Variants in SLC25A26 observed in about 807,000 individuals in gnomAD.
The protein encoded by SLC25A26 is mitochondrial S-adenosylmethionine carrier protein.
SLC25A26 carries 36 observed loss-of-function variants against 37.8 expected under a neutral mutation model. The observed-to-expected ratio is 0.95, with a 90% CI of 0.73 to 1.26. SLC25A26 has a LOEUF of 1.26. Among genes scored for constraint, SLC25A26 ranks in the 50% most tolerant of loss-of-function variants. The pLI is 0.00. For synonymous variants in SLC25A26, 129 were observed against 122.5 expected, an observed-to-expected ratio of 1.05 and a Z score of -0.35; for missense variants, 390 against 331.1, an observed-to-expected ratio of 1.18 and a Z score of -1.38.
intron 1 of SLC25A26, among the ~76,000 whole-genome samples, chr3:66,138,282 A>C (rs998703820): frequency 1.3e-5 from 2 of 152,196 alleles, no homozygotes; most frequent in Admixed American, 1.3e-4. Context: ...CATCTGAAGT[A>C]TGGAAATATG....
At chr3:66,206,874 T>C (rs1346574256) in intron 1 of SLC25A26, among the ~76,000 whole-genome samples, 2 of 150,150 alleles carry the variant, frequency 1.3e-5, no homozygotes, top group African/African-American at 2.4e-5. Context: ...CTACCACCCC[T>C]GGCTAATTTT....
chr3:66,187,543 C>A (rs1263245992), intron 1 of SLC25A26, among the ~76,000 whole-genome samples: 3 of 152,202 alleles, frequency 2.0e-5, no homozygotes, highest in African/African-American at 7.2e-5. Context: ...ATCACCCTGA[C>A]TCTACCCTTA....
intron 5 of SLC25A26, among the ~76,000 whole-genome samples, chr3:66,343,161 C>G (rs925724151): frequency 6.6e-6 from 1 of 152,196 alleles, no homozygotes; most frequent in Non-Finnish European, 1.5e-5. Flanking sequence ...GGCCCACGTT[C>G]TGTAGACGTT....
intron 1 of SLC25A26, among the ~76,000 whole-genome samples, chr3:66,159,743 A>G (rs912175578): frequency 6.6e-6 from 1 of 152,142 alleles, no homozygotes; most frequent in Non-Finnish European, 1.5e-5. Flanking sequence ...TAAGCTAATG[A>G]TAGCTTCCCG....
At chr3:66,274,703 A>T (rs1169969552) in intron 5 of SLC25A26, among the ~76,000 whole-genome samples, 1 of 152,214 alleles carries the variant, frequency 6.6e-6, no homozygotes, top group African/African-American at 2.4e-5. Context: ...ACAATGAGAT[A>T]CCATCTCACA....
chr3:66,314,253 G>A (rs1327595855), intron 5 of SLC25A26, among the ~76,000 whole-genome samples: 1 of 152,098 alleles, frequency 6.6e-6, no homozygotes, highest in African/African-American at 2.4e-5. Context: ...CGGGCTGTGG[G>A]TTTGTCCTGT....
chr3:66,372,379 C>G (rs1700395720), intron 9 of SLC25A26, among the ~76,000 whole-genome samples: 1 of 152,106 alleles, frequency 6.6e-6, no homozygotes, highest in Non-Finnish European at 1.5e-5. Context: ...CCCCATGGCC[C>G]CAAAAGCTGG....
rs184696429 is a variant in SLC25A26 at position 66,252,765 on chromosome 3, A to G, written c.301-9286A>G. Among the ~76,000 whole-genome samples the G allele has an allele frequency of 3.0e-4, 45 of 152,326 alleles. 1 individual carries two copies. The highest frequency in any genetic ancestry group is 1.4e-3 in the Admixed American group (22 of 15,302). On this transcript the variant is annotated intron_variant, in intron 3 of 9. Coordinates refer to ENST00000354883, the MANE Select transcript of SLC25A26 (RefSeq NM_001379210.1). ...AGGTGAAAAAATTGAAATTCAAAGA[A>G]GTTTAGTGATGTGCTCCAAGTTTCC... is the stretch of plus-strand genomic sequence containing the variant.
intron 8 of SLC25A26, 133 bp downstream of exon 8, chr3:66,369,675 T>C (rs1392482605): frequency 5.5e-6 from 4 of 724,776 alleles, no homozygotes; most frequent in Admixed American, 2.5e-5. Context: ...CTGTGCAACC[T>C]CTAACAAAAC....
intron 1 of SLC25A26, among the ~76,000 whole-genome samples, chr3:66,142,876 A>G (rs996843806): frequency 5.3e-5 from 8 of 151,930 alleles, no homozygotes; most frequent in African/African-American, 1.9e-4. Flanking sequence ...CAGTCCTCCC[A>G]CCTCAGCCTC....
At chr3:66,198,661 C>T (rs1003468094) in intron 1 of SLC25A26, among the ~76,000 whole-genome samples, 3 of 151,764 alleles carry the variant, frequency 2.0e-5, no homozygotes, top group African/African-American at 4.8e-5. Flanking sequence ...ATCCTAACTC[C>T]GGCACTCACT....
chr3:66,152,991 A>T (rs1045328174), intron 1 of SLC25A26, among the ~76,000 whole-genome samples: 1 of 152,152 alleles, frequency 6.6e-6, no homozygotes, highest in Admixed American at 6.5e-5. Context: ...GACCCCAATG[A>T]TCCAAGTTTT....
At chr3:66,275,325 C>T (rs1040209849) in intron 5 of SLC25A26, among the ~76,000 whole-genome samples, 2 of 151,788 alleles carry the variant, frequency 1.3e-5, no homozygotes, top group African/African-American at 4.8e-5. Context: ...GGTTGCAGCA[C>T]ACCAGCATGG....
intron 5 of SLC25A26, among the ~76,000 whole-genome samples, chr3:66,269,628 T>C (rs939454493): frequency 6.6e-6 from 1 of 152,196 alleles, no homozygotes; most frequent in African/African-American, 2.4e-5. Flanking sequence ...CACTGAAAAA[T>C]GTTACCAAGC....
chr3:66,266,577 T>TC (rs1491377209), intron 5 of SLC25A26, among the ~76,000 whole-genome samples: 1 of 82,350 alleles, frequency 1.2e-5, no homozygotes, highest in Non-Finnish European at 2.5e-5. Flanking sequence ...GTTGTCACAC[T>TC]TTTTTTTTTT....
At chr3:66,359,922 C>G (rs1031535853) in intron 6 of SLC25A26, among the ~76,000 whole-genome samples, 2 of 152,198 alleles carry the variant, frequency 1.3e-5, no homozygotes, top group African/African-American at 4.8e-5. Flanking sequence ...GATAGCTGCA[C>G]TCTCAGTGCA....
In SLC25A26 at chr3:66,276,629, T is replaced by G. The variant is rs1010208488; in HGVS notation, c.453+13250T>G. Reference sequence around the variant, plus strand: ...AAAAATGTTTTGACTGATTGTAGTCTGTCCTTTTTTGTTCCCTGTGCTGCA... The same window carrying G: ...AAAAATGTTTTGACTGATTGTAGTCGGTCCTTTTTTGTTCCCTGTGCTGCA... On this transcript the variant is annotated intron_variant, in intron 5 of 9. Coordinates refer to ENST00000354883, the MANE Select transcript of SLC25A26 (RefSeq NM_001379210.1). 2.6e-5 allele frequency among the ~76,000 whole-genome samples: 4 copies of G among 151,980 alleles called. No individual in the cohort carries two copies. The South Asian group carries it at 8.3e-4, about 32-fold the overall frequency.
chr3:66,236,096 G>A (rs1016784073), intron 1 of SLC25A26, among the ~76,000 whole-genome samples: 10 of 151,532 alleles, frequency 6.6e-5, no homozygotes, highest in Middle Eastern at 6.8e-3. Context: ...ATTTTTTGTA[G>A]TGATGATGTC....
intron 1 of SLC25A26, among the ~76,000 whole-genome samples, chr3:66,177,834 C>A (rs977047040): frequency 6.6e-6 from 1 of 152,244 alleles, no homozygotes; most frequent in South Asian, 2.1e-4. Context: ...TGGCTCATTC[C>A]CTTGAACTGT....
Sources: allele counts gnomAD v4.1 joint callset (sites outside exome capture counted in the v4.1 genomes callset), GRCh38; gene constraint gnomAD v4.1.1; transcripts MANE v1.5; gene names NCBI Gene and HGNC (gene_info 2026-07-23, HGNC 2026-07-21).